The following RARB variants were observed in gnomAD, a reference collection of about 807,000 sequenced individuals.
RARB encodes retinoic acid receptor beta.
Under a neutral mutation model 51.9 loss-of-function variants are expected in RARB, and 17 were observed. The observed-to-expected ratio is 0.33, with a 90% CI of 0.22 to 0.49. The LOEUF is 0.49. Among genes scored for constraint, RARB ranks in the 20% least tolerant of loss-of-function variants. RARB has a pLI of 0.99. For synonymous variants in RARB, 215 were observed against 195.4 expected (o/e 1.10, Z -0.84); for missense variants, 369 against 550.8 (o/e 0.67, Z 3.30).
intron 1 of RARB, among the ~76,000 whole-genome samples, chr3:25,451,412 A>T (rs1418296018): frequency 6.6e-6 from 1 of 152,202 alleles, no homozygotes; most frequent in African/African-American, 2.4e-5. Context: ...ACACAATTTT[A>T]TGCAGGCTCA....
intron 5 of RARB, among the ~76,000 whole-genome samples, chr3:25,244,439 G>A (rs1279001453): frequency 6.6e-6 from 1 of 152,066 alleles, no homozygotes; most frequent in Non-Finnish European, 1.5e-5. Context: ...GCCTTCTCCT[G>A]TGGGTATTTA....
chr3:25,008,645 G>A (rs1697327713), intron 2 of RARB, among the ~76,000 whole-genome samples: 1 of 152,026 alleles, frequency 6.6e-6, no homozygotes, highest in African/African-American at 2.4e-5. Flanking sequence ...GAAACAGGAT[G>A]ATCATCATAA....
At position 25,346,895 on chromosome 3, in the gene RARB, A is replaced by G. The variant is rs75033639; in HGVS notation, c.179-114298A>G. Among the ~76,000 whole-genome samples, 7 of 152,322 alleles carry G rather than the reference A, an allele frequency of 4.6e-5. No homozygotes were observed. In the East Asian group the frequency reaches 1.4e-3, roughly 29 times the overall value. ...CCAAAAGGAGGCTCTGGTGAGCAAA[A>G]TTGATATTAGGTCTGCCCTCATAGG... On this transcript the variant is annotated intron_variant, in intron 5 of 11. Transcript: ENST00000383772.
At chr3:25,358,420 C>T in intron 5 of RARB, among the ~76,000 whole-genome samples, 1 of 152,184 alleles carries the variant, frequency 6.6e-6, no homozygotes, top group East Asian at 1.9e-4. Context: ...ATCTTGTCAT[C>T]TGCAAACAGA....
At chr3:25,117,828 T>C (rs532695166) in intron 3 of RARB, among the ~76,000 whole-genome samples, 14 of 152,290 alleles carry the variant, frequency 9.2e-5, no homozygotes, top group Admixed American at 7.9e-4. Flanking sequence ...TATCCTTCCT[T>C]GTCCAAAAAA....
intron 4 of RARB, 60 bp downstream of exon 4, chr3:25,569,978 GCA>G (rs1700645264): frequency 1.4e-6 from 2 of 1,430,656 alleles, no homozygotes; most frequent in African/African-American, 3.5e-5. Flanking sequence ...GTGCATGTGT[GCA>G]GACACACACA....
chr3:25,437,169 T>C (rs1346288127), intron 1 of RARB, among the ~76,000 whole-genome samples: 5 of 150,144 alleles, frequency 3.3e-5, no homozygotes, highest in Admixed American at 2.7e-4. Context: ...TTTTCTTTGG[T>C]GAAATGATCC....
rs527634067 is a variant in RARB, at chr3:24,978,307, T to C, written c.-379-81818T>C. 5.9e-5 allele frequency among the ~76,000 whole-genome samples: 9 copies of C among 152,354 alleles called. No homozygotes were observed. The East Asian group carries it at 1.5e-3, about 26-fold the overall frequency. The stretch of plus-strand genomic sequence containing the variant: ...GAGAATTCCCTCTTTTTCTGTTGTT[T>C]GGAATAGTTTCAGAAGGAATGGTAC... On this transcript the variant is annotated intron_variant, in intron 2 of 11. Coordinates refer to the RARB transcript ENST00000383772.
At chr3:25,262,823 A>G (rs1168740400) in intron 5 of RARB, among the ~76,000 whole-genome samples, 3 of 152,120 alleles carry the variant, frequency 2.0e-5, no homozygotes, top group Admixed American at 1.3e-4. Flanking sequence ...TTTGGAGAGG[A>G]TGTCATTCTG....
intron 3 of RARB, among the ~76,000 whole-genome samples, chr3:25,519,772 T>G (rs1698327247): frequency 6.6e-6 from 1 of 152,216 alleles, no homozygotes; most frequent in African/African-American, 2.4e-5. Flanking sequence ...CAGATTATTC[T>G]GAGATAAAAC....
intron 2 of RARB, among the ~76,000 whole-genome samples, chr3:25,030,663 G>T (rs1697852352): frequency 6.6e-6 from 1 of 152,266 alleles, no homozygotes; most frequent in East Asian, 1.9e-4. Flanking sequence ...ACTCAGTTTT[G>T]TCATACAATT....
chr3:25,257,630 C>T (rs981586273), intron 5 of RARB, among the ~76,000 whole-genome samples: 1 of 152,034 alleles, frequency 6.6e-6, no homozygotes, highest in African/African-American at 2.4e-5. Flanking sequence ...ATGGAAAGCC[C>T]TGTGTCCAAG....
intron 5 of RARB, among the ~76,000 whole-genome samples, chr3:25,325,955 T>C (rs935079899): frequency 1.3e-5 from 2 of 152,192 alleles, no homozygotes; most frequent in African/African-American, 4.8e-5. Context: ...GTTGAGACCA[T>C]GCAAGAGAAA....
At chr3:25,588,465 C>A (rs1316456198) in intron 5 of RARB, among the ~76,000 whole-genome samples, 1 of 152,128 alleles carries the variant, frequency 6.6e-6, no homozygotes, top group Non-Finnish European at 1.5e-5. Context: ...TTAAGCTGTA[C>A]TCGAGATTTG....
intron 5 of RARB, among the ~76,000 whole-genome samples, chr3:25,588,974 A>G (rs997337334): frequency 6.6e-6 from 1 of 152,214 alleles, no homozygotes; most frequent in Non-Finnish European, 1.5e-5. Context: ...TCCAGGCCAC[A>G]CTCAAGGGGA....
chr3:25,409,659 A>G (rs1258900242), intron 5 of RARB, among the ~76,000 whole-genome samples: 1 of 152,210 alleles, frequency 6.6e-6, no homozygotes, highest in East Asian at 1.9e-4. Flanking sequence ...TGCAAACTGC[A>G]AAATTATTAC....
chr3:25,072,226 C>T (rs1367838250), intron 3 of RARB, among the ~76,000 whole-genome samples: 1 of 152,118 alleles, frequency 6.6e-6, no homozygotes, highest in African/African-American at 2.4e-5. Context: ...AGTTTAATAA[C>T]AATTTGAATC....
chr3:25,474,658 G>A (rs564089414), intron 2 of RARB, among the ~76,000 whole-genome samples: 2 of 152,250 alleles, frequency 1.3e-5, no homozygotes, highest in South Asian at 4.1e-4. Context: ...ATATCTTTTA[G>A]TATGTTTGTT....
intron 2 of RARB, among the ~76,000 whole-genome samples, chr3:24,952,744 T>C (rs13325698): frequency 0.3 from 44,949 of 151,790 alleles, 7,184 homozygotes; most frequent in Admixed American, 0.46. Flanking sequence ...CCTCTTTTTT[T>C]CTCCCTTTCC....
Sources: gnomAD v4.1 joint callset for allele counts (sites outside exome capture counted in the v4.1 genomes callset) on GRCh38, gnomAD v4.1.1 for gene constraint, MANE v1.5 for transcripts, NCBI Gene and HGNC (gene_info 2026-07-23, HGNC 2026-07-21) for gene names.